ST6GALNAC1: variants seen among roughly 807,000 people sequenced by gnomAD.
The protein encoded by ST6GALNAC1 is alpha-N-acetylgalactosaminide alpha-2,6-sialyltransferase 1.
ST6GALNAC1 carries 45 observed loss-of-function variants against 56.8 expected under a neutral mutation model. That is an observed-to-expected ratio of 0.79 (90% confidence interval 0.62 to 1.02). The LOEUF (loss-of-function observed/expected upper bound fraction) is 1.02, where lower values mean the gene tolerates loss of function less well. ST6GALNAC1 is among the 50% of genes least tolerant of loss of function. The probability of loss-of-function intolerance (pLI) is 0.00; values close to 1 mark genes in which losing one functional copy is unlikely to be tolerated. For missense variants in ST6GALNAC1, 743 were observed against 754.8 expected (o/e 0.98, Z 0.18); for synonymous variants, 295 against 297.8 (o/e 0.99, Z 0.10).
chr17:76,636,784 T>C (rs1375246078), intron 1 of ST6GALNAC1, among the ~76,000 whole-genome samples: 1 of 151,926 alleles, frequency 6.6e-6, no homozygotes, highest in African/African-American at 2.4e-5. Flanking sequence ...CAACAGCTCA[T>C]TGAGAACGGG....
chr17:76,620,460 G>A (rs1407437326), downstream of ST6GALNAC1, among the ~76,000 whole-genome samples: 1 of 152,124 alleles, frequency 6.6e-6, no homozygotes, highest in Non-Finnish European at 1.5e-5. Flanking sequence ...AGGTATACTG[G>A]GAGTAGTGCC....
chr17:76,625,744 C>T, intron 8 of ST6GALNAC1, 75 bp downstream of exon 8: 1 of 1,329,534 alleles, frequency 7.5e-7, no homozygotes, highest in South Asian at 1.5e-5. Context: ...CATGCACTGT[C>T]CTATGCTGAA....
At chr17:76,636,180 G>T (rs911525646) in intron 1 of ST6GALNAC1, among the ~76,000 whole-genome samples, 3 of 151,996 alleles carry the variant, frequency 2.0e-5, no homozygotes, top group Non-Finnish European at 4.4e-5. Context: ...CCTTTTCTAC[G>T]CCTGTCATGC....
chr17:76,621,943 C>CTTTTTTTTTTTTTTTT (rs71158041), downstream of ST6GALNAC1, among the ~76,000 whole-genome samples: 11 of 138,002 alleles, frequency 8.0e-5, no homozygotes, highest in South Asian at 2.3e-4. Context: ...TCTTTCTTTT[C>CTTTTTTTTTTTTTTTT]TTTTTTTTTT....
chr17:76,622,965 T>C (rs1353761753), downstream of ST6GALNAC1, among the ~76,000 whole-genome samples: 1 of 152,216 alleles, frequency 6.6e-6, no homozygotes, highest in Non-Finnish European at 1.5e-5. Flanking sequence ...GGCTAATTTT[T>C]TGTATTTTTA....
intron 1 of ST6GALNAC1, among the ~76,000 whole-genome samples, chr17:76,631,224 G>A (rs1056889775): frequency 2.2e-4 from 34 of 152,182 alleles, no homozygotes; most frequent in African/African-American, 7.5e-4. Flanking sequence ...TATTAAAGGC[G>A]TGAGCCACCG....
intron 1 of ST6GALNAC1, among the ~76,000 whole-genome samples, chr17:76,634,756 T>C (rs1366281434): frequency 2.6e-5 from 4 of 151,994 alleles, no homozygotes; most frequent in African/African-American, 9.7e-5. Flanking sequence ...TGGTGGTGCA[T>C]GCCTGTAATC....
rs773491014 is a variant in ST6GALNAC1 at position 76,625,988 on chromosome 17, C to T, written c.1505+18G>A. ...TAACAGGGACCTGGGCTACGTGTCA[C>T]GTGCTTTCTGCTCTAACCTGTTCTT... On this transcript the variant is annotated intron_variant, in intron 7 of 8. Coordinates refer to ENST00000156626, the MANE Select transcript of ST6GALNAC1 (RefSeq NM_018414.5). The T allele has an allele frequency of 1.3e-5, 21 of 1,613,268 alleles. No homozygotes were observed. The highest frequency in any genetic ancestry group is 5.5e-5 in the South Asian group (5 of 90,994).
downstream of ST6GALNAC1, among the ~76,000 whole-genome samples, chr17:76,622,291 T>C (rs2075749739): frequency 6.6e-6 from 1 of 151,706 alleles, no homozygotes; most frequent in Admixed American, 6.6e-5. Flanking sequence ...GTGATATATG[T>C]GGCAAATATT....
chr17:76,626,564 G>C, intron 5 of ST6GALNAC1, 87 bp downstream of exon 5: 2 of 1,582,808 alleles, frequency 1.3e-6, no homozygotes, highest in South Asian at 1.1e-5. Context: ...GACTCCATCC[G>C]GATGAAAGCC....
At chr17:76,623,332 A>G (rs1262221131), downstream of ST6GALNAC1, among the ~76,000 whole-genome samples, 1 of 152,204 alleles carries the variant, frequency 6.6e-6, no homozygotes, top group Non-Finnish European at 1.5e-5. Flanking sequence ...AGGTATTCCT[A>G]GCTCTTCTTA....
rs200069508 is a variant in ST6GALNAC1 at position 76,629,130 on chromosome 17, G to T, written c.713C>A (p.Ala238Asp). ...CTGCGTCGTGGGGCTCTGGAAAGGG[G>T]CAGGGGGTGGGGTGGCCTGAGGTTT... ...EKKPQATPPP[A>D]PFQSPTTQRN... The change falls in exon 2 of 9, where the codon GCC becomes GAC. Residue 238 changes from alanine (A) to aspartate (D), a missense_variant. Transcript: ENST00000156626. The T allele has an allele frequency of 1.9e-6, 3 of 1,613,432 alleles. No individual in the cohort carries two copies. Among genetic ancestry groups the T allele is most frequent in the African/African-American group, 2.7e-5 (2 of 74,978 alleles).
At chr17:76,635,592 GCAT>G (rs1240763545) in intron 1 of ST6GALNAC1, among the ~76,000 whole-genome samples, 1 of 152,148 alleles carries the variant, frequency 6.6e-6, no homozygotes, top group African/African-American at 2.4e-5. Flanking sequence ...AGCAGGGATC[GCAT>G]CACTGCACTC....
downstream of ST6GALNAC1, among the ~76,000 whole-genome samples, chr17:76,620,538 T>C (rs960014543): frequency 6.6e-6 from 1 of 151,780 alleles, no homozygotes; most frequent in Non-Finnish European, 1.5e-5. Flanking sequence ...CCCCCTTAGG[T>C]AACCAATCTC....
chr17:76,636,956 T>C (rs2075983066), intron 1 of ST6GALNAC1, among the ~76,000 whole-genome samples: 1 of 151,752 alleles, frequency 6.6e-6, no homozygotes, highest in South Asian at 2.1e-4. Context: ...ATCCTGTTGA[T>C]CTATGACCTT....
rs1237944443 is a variant in ST6GALNAC1, at chr17:76,627,968, G to A, written c.832-385C>T. Among the ~76,000 whole-genome samples the A allele has an allele frequency of 1.3e-5, 2 of 152,008 alleles. No individual in the cohort carries two copies. Among genetic ancestry groups the A allele is most frequent in the African/African-American group, 4.8e-5 (2 of 41,400 alleles). On this transcript the variant is annotated intron_variant, in intron 2 of 8. Transcript: ENST00000156626. The surrounding 1 kb of genome is among the most constrained non-coding windows in gnomAD (Gnocchi z 4.4). ...AAAAATTAGCCGGGCGTGGTGGCGGGCGCCTGTAGTTCCAGCTACTCGGGA... is the reference window on the plus strand; with the variant it reads ...AAAAATTAGCCGGGCGTGGTGGCGGACGCCTGTAGTTCCAGCTACTCGGGA...
At chr17:76,626,973 C>A in intron 4 of ST6GALNAC1, 94 bp downstream of exon 4, 1 of 1,437,762 alleles carries the variant, frequency 7.0e-7, no homozygotes, top group South Asian at 1.3e-5. Flanking sequence ...CAGAAGAGTC[C>A]ATGTCTGCAG....
At position 76,626,358 on chromosome 17, in the gene ST6GALNAC1, C is replaced by T. The variant is rs762654244; in HGVS notation, c.1346G>A (p.Arg449Gln). ...CAGTGCTTCCAGCCACTCATAGTCC[C>T]GGGTGCCTTCCAGGAAGTGCAAGTA... Reference protein sequence around the residue: ...VRYLHFLEGTRDYEWLEALLM... With the variant: ...VRYLHFLEGTQDYEWLEALLM... The change falls in exon 6 of 9, where the codon CGG becomes CAG. Residue 449 changes from arginine to glutamine, a missense_variant. Physicochemically the swap from Arg to Gln is conservative, Grantham distance 43. Coordinates refer to ENST00000156626, the MANE Select transcript of ST6GALNAC1 (RefSeq NM_018414.5). The T allele has an allele frequency of 2.7e-5, 44 of 1,614,046 alleles. No individual in the cohort carries two copies. The highest frequency in any genetic ancestry group is 1.6e-4 in the Middle Eastern group (1 of 6,072).
At position 76,627,050 on chromosome 17, in the gene ST6GALNAC1, G is replaced by C; in HGVS notation, c.1172+17C>G. On this transcript the variant is annotated intron_variant, in intron 4 of 8. Transcript: ENST00000156626. The surrounding 1 kb of genome is among the most constrained non-coding windows in gnomAD (Gnocchi z 4.4). ...AGGAGAGGGGCTGGAGAGGGAGCTTGGGTGGGGACAGCTTACCGGAACACG... is the reference window on the plus strand; with the variant it reads ...AGGAGAGGGGCTGGAGAGGGAGCTTCGGTGGGGACAGCTTACCGGAACACG... The C allele has an allele frequency of 6.5e-7, 1 of 1,535,382 alleles. No homozygotes were observed. Among genetic ancestry groups the C allele is most frequent in the South Asian group, 1.3e-5 (1 of 77,506 alleles).
Sources: gnomAD v4.1 joint callset for allele counts (sites outside exome capture counted in the v4.1 genomes callset) on GRCh38, gnomAD v4.1.1 for gene constraint, Gnocchi (gnomAD v3.1) non-coding constraint, MANE v1.5 for transcripts, NCBI Gene and HGNC (gene_info 2026-07-23, HGNC 2026-07-21) for gene names.